CFAP46: variants seen among roughly 807,000 people sequenced by gnomAD.
The protein encoded by CFAP46 is cilia- and flagella-associated protein 46.
In CFAP46, 245 loss-of-function variants were observed where a neutral mutation model predicts 325.7. The ratio of observed to expected loss-of-function variants is 0.75; its 90% CI spans 0.68 to 0.84. The LOEUF (loss-of-function observed/expected upper bound fraction) is 0.84, where lower values mean the gene tolerates loss of function less well. Ranked by LOEUF, CFAP46 falls within the 40% of genes least tolerant of loss-of-function variation. CFAP46 has a pLI of 0.00. For synonymous variants in CFAP46, 1,523 were observed against 1,495.9 expected, an observed-to-expected ratio of 1.02 and a Z score of -0.42; for missense variants, 3,346 against 3,543.0, an observed-to-expected ratio of 0.94 and a Z score of 1.41.
Position 132,901,429 on chromosome 10 carries a change from T to C in CFAP46, c.2925-1763A>G, listed in dbSNP as rs79488348. On this transcript the variant is annotated intron_variant, in intron 22 of 57. Transcript: ENST00000368586. ...CCTCTATTAGATTTTTAGTTACATCTCTTTGCTTTATTCCATTTGTTAGCA... is the reference window on the plus strand; with the variant it reads ...CCTCTATTAGATTTTTAGTTACATCCCTTTGCTTTATTCCATTTGTTAGCA... 4.9e-4 allele frequency among the ~76,000 whole-genome samples: 75 copies of C among 152,370 alleles called. No individual in the cohort carries two copies. The East Asian group carries it at 0.013, about 27-fold the overall frequency.
intron 20 of CFAP46, among the ~76,000 whole-genome samples, 188 bp downstream of exon 20, chr10:132,909,731 G>T (rs917215728): frequency 6.6e-6 from 1 of 152,230 alleles, no homozygotes; most frequent in African/African-American, 2.4e-5. Context: ...GTGGGCAGAG[G>T]AGGCCCCGTG....
At chr10:132,903,342 G>A (rs1849415035) in intron 22 of CFAP46, among the ~76,000 whole-genome samples, 1 of 152,196 alleles carries the variant, frequency 6.6e-6, no homozygotes, top group Admixed American at 6.5e-5. Context: ...ACTCATGGGT[G>A]GCTCCACAGA....
At chr10:132,860,560 G>A in intron 36 of CFAP46, 37 bp from the exon 37 acceptor site, 1 of 1,452,284 alleles carries the variant, frequency 6.9e-7, no homozygotes. Context: ...GTGTGTCTGA[G>A]GACAGGCAGG....
intron 25 of CFAP46, among the ~76,000 whole-genome samples, chr10:132,887,685 C>T (rs551646642): frequency 4.2e-4 from 43 of 101,790 alleles, no homozygotes; most frequent in African/African-American, 1.6e-3. Flanking sequence ...CTCTCCTCTC[C>T]TCTCTCTCTC....
Position 132,817,492 on chromosome 10 carries a change from G to T in CFAP46, c.7118-2578C>A, listed in dbSNP as rs1847716917. On this transcript the variant is annotated intron_variant, in intron 50 of 57. Coordinates refer to ENST00000368586, the MANE Select transcript of CFAP46 (RefSeq NM_001200049.3). The surrounding 1 kb of genome is among the most constrained non-coding windows in gnomAD (Gnocchi z 4.4). ...CCATCTTACTACTTTATTTTTATTTGTCCTGGTTTTCTACCTGTTTCTCCA... is the reference window on the plus strand; with the variant it reads ...CCATCTTACTACTTTATTTTTATTTTTCCTGGTTTTCTACCTGTTTCTCCA... Among the ~76,000 whole-genome samples the T allele has an allele frequency of 6.6e-6, 1 of 152,054 alleles. No individual in the cohort carries two copies. Among genetic ancestry groups the T allele is most frequent in the Non-Finnish European group, 1.5e-5 (1 of 68,014 alleles).
rs546490678 is a variant in CFAP46, at chr10:132,909,967, C to T, written c.2601G>A (p.Lys867=). The change falls in exon 20 of 58, where the codon AAG becomes AAA. Residue 867 remains lysine, a synonymous_variant. Transcript: ENST00000368586. ...GCCCAATCTGCTGCTGCAGCAGCTG[C>T]TTGGCCTTGACCCAGGTGGCGATAA... ...QQLIATWVKA[K]QLLQQQIGPR... is the part of the protein sequence containing the mutation. 478 of 1,537,958 alleles carry T rather than the reference C, an allele frequency of 3.1e-4. 5 individuals are homozygous for T. The South Asian group carries it at 5.5e-3, about 18-fold the overall frequency.
At chr10:132,862,365 G>C (rs1011660003) in intron 35 of CFAP46, among the ~76,000 whole-genome samples, 8 of 151,756 alleles carry the variant, frequency 5.3e-5, no homozygotes, top group African/African-American at 1.9e-4. Flanking sequence ...ACATGGAGAG[G>C]AGGAGGGTGC....
At chr10:132,906,144 C>T (rs971991394) in intron 22 of CFAP46, among the ~76,000 whole-genome samples, 8 of 152,228 alleles carry the variant, frequency 5.3e-5, no homozygotes, top group African/African-American at 1.7e-4. Context: ...AACTCTGCTC[C>T]GGCCCTTTGC....
intron 4 of CFAP46, 87 bp from the exon 5 acceptor site, chr10:132,938,840 GC>G (rs1266727875): frequency 7.4e-7 from 1 of 1,354,866 alleles, no homozygotes; most frequent in East Asian, 2.3e-5. Context: ...TGTCTCCGGA[GC>G]CCCTCCCAGG....
At chr10:132,917,110 T>C (rs1849652244) in intron 16 of CFAP46, among the ~76,000 whole-genome samples, 1 of 152,258 alleles carries the variant, frequency 6.6e-6, no homozygotes, top group East Asian at 1.9e-4. Flanking sequence ...CCGCTGGCTC[T>C]GGTTCTGCCA....
intron 22 of CFAP46, among the ~76,000 whole-genome samples, chr10:132,902,919 G>A (rs1329407590): frequency 6.6e-6 from 1 of 151,636 alleles, no homozygotes; most frequent in African/African-American, 2.4e-5. Flanking sequence ...AGTGAGTTAC[G>A]CCCCAATGTG....
rs1591084665 is a variant in CFAP46 at position 132,909,000 on chromosome 10, G to A, written c.2757+137C>T. The A allele has an allele frequency of 3.5e-5, 23 of 652,282 alleles. No homozygotes were observed. In the East Asian group the frequency reaches 3.6e-4, roughly 10 times the overall value. 40.4% of individuals were successfully genotyped at this position (652,282 alleles called of 1,614,324 possible). On this transcript the variant is annotated intron_variant, in intron 21 of 57. Transcript: ENST00000368586. ...AAGTGCGTCGAGGGGGCGCAGCTCCGTTGGGAGGTGGGGGAGAGCGGGGCA... is the reference window on the plus strand; with the variant it reads ...AAGTGCGTCGAGGGGGCGCAGCTCCATTGGGAGGTGGGGGAGAGCGGGGCA...
At position 132,889,151 on chromosome 10, in the gene CFAP46, G is replaced by C. The variant is rs1477012068; in HGVS notation, c.3304+3182C>G. Among the ~76,000 whole-genome samples the C allele has an allele frequency of 6.6e-6, 1 of 152,188 alleles. No homozygotes were observed. Among genetic ancestry groups the C allele is most frequent in the African/African-American group, 2.4e-5 (1 of 41,444 alleles). On this transcript the variant is annotated intron_variant, in intron 25 of 57. Coordinates refer to ENST00000368586, the MANE Select transcript of CFAP46 (RefSeq NM_001200049.3). This position sits in a 1 kb window ranked among gnomAD's most constrained non-coding sequence, Gnocchi z 6.0. ...CACTCTGCAGGCCACAGTGCTGAGG[G>C]CTGGAGTCCGTGTCATCCTGCACCA... is the stretch of plus-strand genomic sequence containing the variant.
chr10:132,916,428 C>A (rs1236237425), intron 17 of CFAP46, 121 bp downstream of exon 17: 17 of 1,112,736 alleles, frequency 1.5e-5, no homozygotes, highest in Non-Finnish European at 2.1e-5. Context: ...ACGTCCCCCA[C>A]GCAAGAAGCC....
At chr10:132,933,127 T>C (rs1464630459) in intron 8 of CFAP46, among the ~76,000 whole-genome samples, 2 of 152,234 alleles carry the variant, frequency 1.3e-5, no homozygotes, top group Non-Finnish European at 2.9e-5. Context: ...CCATCCTCCC[T>C]GCATCCCTGG....
At position 132,922,387 on chromosome 10, in the gene CFAP46, G is replaced by C. The variant is rs113242788; in HGVS notation, c.1485+93C>G. 1.0e-3 allele frequency: 1,515 copies of C among 1,453,704 alleles called. 12 individuals are homozygous for C. In the African/African-American group the frequency reaches 0.016, roughly 16 times the overall value. The allele number at this position is 1,453,704 out of a possible 1,614,324, so 90.1% of individuals were successfully genotyped here. A position where few individuals can be genotyped will look rare whatever the true frequency, so the allele number is the denominator to read the frequency against. On this transcript the variant is annotated intron_variant, in intron 12 of 57. Coordinates refer to ENST00000368586, the MANE Select transcript of CFAP46 (RefSeq NM_001200049.3). Reference sequence around the variant, plus strand: ...GGCCTCCTTGCTTCAGGCAGCCCTGGGCGGCTCCCGCCCTGCTGTGCCCTC... The same window carrying C: ...GGCCTCCTTGCTTCAGGCAGCCCTGCGCGGCTCCCGCCCTGCTGTGCCCTC...
Position 132,847,153 on chromosome 10 carries a change from G to C in CFAP46, c.6087+34C>G. Reference sequence around the variant, plus strand: ...TCAGGCTCAGGCCAGGCTCCGGGCAGAGGCCACACGAGGGGCAGGAGGGGC... The same window carrying C: ...TCAGGCTCAGGCCAGGCTCCGGGCACAGGCCACACGAGGGGCAGGAGGGGC... On this transcript the variant is annotated intron_variant, in intron 42 of 57. Coordinates refer to ENST00000368586, the MANE Select transcript of CFAP46 (RefSeq NM_001200049.3). The surrounding 1 kb of genome is among the most constrained non-coding windows in gnomAD (Gnocchi z 5.2). 1.2e-6 allele frequency: 2 copies of C among 1,608,464 alleles called. No individual in the cohort carries two copies. The highest frequency in any genetic ancestry group is 1.7e-6 in the Non-Finnish European group (2 of 1,177,978).
chr10:132,866,871 C>T lies in CFAP46; in HGVS notation c.4743+504G>A, dbSNP rs545319098. ...TGCAGAGGGGTGCTGTGCTCTCCTG[C>T]TGAGGGAAACCCAGGTGGTGGGAGA... On this transcript the variant is annotated intron_variant, in intron 34 of 57. Transcript: ENST00000368586. Among the ~76,000 whole-genome samples, 6 of 152,372 alleles carry T rather than the reference C, an allele frequency of 3.9e-5. No individual in the cohort carries two copies. In the South Asian group the frequency reaches 1.2e-3, roughly 32 times the overall value.
At chr10:132,891,490 A>G (rs532647530) in intron 25 of CFAP46, among the ~76,000 whole-genome samples, 1 of 152,368 alleles carries the variant, frequency 6.6e-6, no homozygotes, top group South Asian at 2.1e-4. Context: ...ATAGCATCGC[A>G]TGACAGATAG....
Sources: gnomAD v4.1 joint callset for allele counts (sites outside exome capture counted in the v4.1 genomes callset) on GRCh38, gnomAD v4.1.1 for gene constraint, Gnocchi (gnomAD v3.1) non-coding constraint, MANE v1.5 for transcripts, NCBI Gene and HGNC (gene_info 2026-07-23, HGNC 2026-07-21) for gene names.